The following CACNG7 variants were observed in gnomAD, a reference collection of about 807,000 sequenced individuals.
The protein encoded by CACNG7 is voltage-dependent calcium channel gamma-7 subunit.
A neutral mutation model predicts 26.3 loss-of-function variants in CACNG7; 9 were observed. The ratio of observed to expected loss-of-function variants is 0.34; its 90% CI spans 0.21 to 0.60. The LOEUF (loss-of-function observed/expected upper bound fraction) is 0.60, where lower values mean the gene tolerates loss of function less well. CACNG7 is among the 20% of genes least tolerant of loss of function. The pLI is 0.81. For missense variants in CACNG7, 297 were observed against 380.4 expected (o/e 0.78, Z 1.82); for synonymous variants, 170 against 157.0 (o/e 1.08, Z -0.62).
chr19:53,925,835 A>T (rs1568778907), intron 4 of CACNG7, among the ~76,000 whole-genome samples: 1 of 152,210 alleles, frequency 6.6e-6, no homozygotes, highest in Non-Finnish European at 1.5e-5. Flanking sequence ...TGTGAGGAAA[A>T]GGCAATTGGA....
At chr19:53,922,197 G>C (rs2068964360) in intron 4 of CACNG7, among the ~76,000 whole-genome samples, 1 of 121,038 alleles carries the variant, frequency 8.3e-6, no homozygotes, top group African/African-American at 3.4e-5. Context: ...CATTGGTGGA[G>C]TTGCCCCAGG....
chr19:53,923,820 C>T (rs796797732), intron 4 of CACNG7, among the ~76,000 whole-genome samples: 13,724 of 105,732 alleles, frequency 0.13, 1,392 homozygotes, highest in African/African-American at 0.2. Flanking sequence ...TGGAGTTGCC[C>T]CAGGTCTGGT....
At chr19:53,920,463 A>T in intron 4 of CACNG7, among the ~76,000 whole-genome samples, 1 of 55,694 alleles carries the variant, frequency 1.8e-5, no homozygotes, top group Non-Finnish European at 3.0e-5. Flanking sequence ...AGTCGTCCCC[A>T]GGTCTGGTCA....
At chr19:53,934,854 C>T (rs1425199866) in intron 4 of CACNG7, among the ~76,000 whole-genome samples, 2 of 151,756 alleles carry the variant, frequency 1.3e-5, no homozygotes, top group African/African-American at 4.8e-5. Flanking sequence ...GTTTGGGATA[C>T]TCGTATTTTA....
At chr19:53,915,031 G>A (rs59761941) in intron 3 of CACNG7, among the ~76,000 whole-genome samples, 32,393 of 145,258 alleles carry the variant, frequency 0.22, 3,924 homozygotes, top group Middle Eastern at 0.28. Flanking sequence ...TAAAAGGAAG[G>A]AAGAAAGAAA....
intron 4 of CACNG7, among the ~76,000 whole-genome samples, chr19:53,936,051 T>TA (rs1355848625): frequency 2.6e-5 from 4 of 151,942 alleles, no homozygotes; most frequent in Non-Finnish European, 5.9e-5. Flanking sequence ...TTTTTTTTTT[T>TA]AATACGTGGA....
chr19:53,919,317 C>G (rs568027661), intron 4 of CACNG7, among the ~76,000 whole-genome samples: 64 of 152,222 alleles, frequency 4.2e-4, no homozygotes, highest in Non-Finnish European at 3.8e-4. Flanking sequence ...ACAGGGATTG[C>G]CCCAGACCTG....
Position 53,914,692 on chromosome 19 carries a change from G to A in CACNG7, c.283+106G>A, listed in dbSNP as rs544536217. On this transcript the variant is annotated intron_variant, in intron 3 of 5. Coordinates refer to ENST00000391767, the MANE Select transcript of CACNG7 (RefSeq NM_031896.5). ...GGGAAAGGGTGGGGTCCAAGGGAAG[G>A]AGGGGAGGCTTGAAAGAAGGCAGAA... is the stretch of plus-strand genomic sequence containing the variant. 2.9e-4 allele frequency: 298 copies of A among 1,018,928 alleles called. 1 individual carries two copies. In the African/African-American group the frequency reaches 4.0e-3, roughly 14 times the overall value. The allele number at this position is 1,018,928 out of a possible 1,614,324, so 63.1% of individuals were successfully genotyped here. A position where few individuals can be genotyped will look rare whatever the true frequency, so the allele number is the denominator to read the frequency against.
At chr19:53,924,062 G>T (rs1568776960) in intron 4 of CACNG7, among the ~76,000 whole-genome samples, 1 of 118,568 alleles carries the variant, frequency 8.4e-6, no homozygotes, top group Non-Finnish European at 1.7e-5. Flanking sequence ...TGGTGGAGTT[G>T]TCCCCAGGTC....
At chr19:53,916,326 CACTTGATA>C (rs1432788938) in intron 4 of CACNG7, among the ~76,000 whole-genome samples, 1 of 150,700 alleles carries the variant, frequency 6.6e-6, no homozygotes, top group Non-Finnish European at 1.5e-5. Flanking sequence ...TATTAGCACT[CACTTGATA>C]ACATGGGGGT....
intron 4 of CACNG7, among the ~76,000 whole-genome samples, chr19:53,921,557 A>AG (rs1297329638): frequency 8.3e-6 from 1 of 120,004 alleles, no homozygotes; most frequent in Non-Finnish European, 1.6e-5. Flanking sequence ...GAGTTGCCCC[A>AG]GGCTGGTCAT....
intron 4 of CACNG7, among the ~76,000 whole-genome samples, chr19:53,922,508 T>C (rs1238777457): frequency 4.9e-4 from 41 of 84,156 alleles, no homozygotes; most frequent in African/African-American, 2.5e-3. Flanking sequence ...TTGTCCCAGG[T>C]CTGGTCATTG....
intron 2 of CACNG7, 101 bp downstream of exon 2, chr19:53,913,128 C>A: frequency 9.4e-7 from 1 of 1,066,238 alleles, no homozygotes; most frequent in Non-Finnish European, 1.3e-6. Context: ...AATCCAGAAA[C>A]GGATCCTGAT....
intron 4 of CACNG7, among the ~76,000 whole-genome samples, chr19:53,927,167 A>C (rs1041280112): frequency 6.6e-6 from 1 of 151,800 alleles, no homozygotes; most frequent in East Asian, 2.0e-4. Flanking sequence ...TGATCCACCC[A>C]CCTTGGCCTC....
At chr19:53,911,629 A>T (rs1568768590) in intron 1 of CACNG7, among the ~76,000 whole-genome samples, 1 of 152,060 alleles carries the variant, frequency 6.6e-6, no homozygotes, top group Non-Finnish European at 1.5e-5. Context: ...GAGGGGCGAA[A>T]GGGGGAAGCT....
intron 4 of CACNG7, among the ~76,000 whole-genome samples, chr19:53,925,437 C>T (rs1318557584): frequency 6.9e-6 from 1 of 145,272 alleles, no homozygotes; most frequent in East Asian, 2.1e-4. Flanking sequence ...CCAGGCTGGT[C>T]ATTGGTGGAC....
intron 4 of CACNG7, among the ~76,000 whole-genome samples, chr19:53,934,665 C>T (rs1440084592): frequency 2.0e-5 from 3 of 151,840 alleles, no homozygotes; most frequent in African/African-American, 7.3e-5. Context: ...CCCAGCTACT[C>T]CAGAGGCTGA....
At chr19:53,918,724 A>C (rs1276178098) in intron 4 of CACNG7, among the ~76,000 whole-genome samples, 1 of 152,226 alleles carries the variant, frequency 6.6e-6, no homozygotes, top group African/African-American at 2.4e-5. Context: ...CAGTAGTAGC[A>C]GTACGAGTAG....
chr19:53,930,014 G>T (rs1021326469), intron 4 of CACNG7, among the ~76,000 whole-genome samples: 3 of 145,224 alleles, frequency 2.1e-5, no homozygotes, highest in Non-Finnish European at 4.5e-5. Context: ...GGGGATGGAG[G>T]AGATGTCTAA....
Sources: gnomAD v4.1 joint callset for allele counts (sites outside exome capture counted in the v4.1 genomes callset) on GRCh38, gnomAD v4.1.1 for gene constraint, MANE v1.5 for transcripts, NCBI Gene and HGNC (gene_info 2026-07-23, HGNC 2026-07-21) for gene names.